Variants in IGSF9B observed in about 807,000 individuals in gnomAD.
The protein encoded by IGSF9B is protein turtle homolog B.
In IGSF9B, 48 loss-of-function variants were observed where a neutral mutation model predicts 143.7. The observed-to-expected ratio is 0.33, with a 90% CI of 0.26 to 0.42. The LOEUF (loss-of-function observed/expected upper bound fraction) is 0.42. Ranked by LOEUF, IGSF9B falls within the 20% of genes least tolerant of loss-of-function variation. IGSF9B has a pLI of 1.00. For synonymous variants in IGSF9B, 903 were observed against 833.1 expected, an observed-to-expected ratio of 1.08 and a Z score of -1.44; for missense variants, 1,706 against 1,980.0, an observed-to-expected ratio of 0.86 and a Z score of 2.63.
At position 133,919,852 on chromosome 11, in the gene IGSF9B, A is replaced by G; in HGVS notation, c.3873T>C (p.Pro1291=). 1 of 1,584,550 alleles carries G rather than the reference A, an allele frequency of 6.3e-7. No individual in the cohort carries two copies. The highest frequency in any genetic ancestry group is 8.6e-7 in the Non-Finnish European group (1 of 1,165,072). ...GYPSPPPGPA[P]AGPGDSLDVF... The stretch of plus-strand genomic sequence containing the variant: ...CGTCCAAGCTGTCCCCAGGCCCAGC[A>G]GGGGCGGGGCCGGGTGGAGGGGAAG... Residue 1291 remains proline, a synonymous_variant, in exon 18 of 20, where the codon CCT becomes CCC. Transcript: ENST00000533871.
intron 18 of IGSF9B, chr11:133,918,975 A>G: frequency 2.1e-6 from 1 of 472,396 alleles, no homozygotes; most frequent in Non-Finnish European, 4.4e-6. Flanking sequence ...ACGGCAGGGA[A>G]GAAGGATGAG....
In IGSF9B at chr11:133,907,860, C is replaced by T. The variant is rs1939233213; in HGVS notation, c.*1209G>A. On this transcript the variant is annotated 3_prime_UTR_variant, in exon 20 of 20. Transcript: ENST00000533871. Reference sequence around the variant, plus strand: ...TCATCCCCCTGCAGCTCAGGTCCACCGGAGGACGAAGGCCCCGGGGCAGAG... The same window carrying T: ...TCATCCCCCTGCAGCTCAGGTCCACTGGAGGACGAAGGCCCCGGGGCAGAG... Among the ~76,000 whole-genome samples the T allele has an allele frequency of 2.6e-5, 4 of 152,214 alleles. No homozygotes were observed. Among genetic ancestry groups the T allele is most frequent in the African/African-American group, 7.2e-5 (3 of 41,460 alleles).
At chr11:133,930,127 G>T (rs983471847) in intron 11 of IGSF9B, among the ~76,000 whole-genome samples, 1 of 152,244 alleles carries the variant, frequency 6.6e-6, no homozygotes, top group East Asian at 1.9e-4. Context: ...TAAGGCGGCA[G>T]GCACAGCCAC....
At chr11:133,951,184 G>C (rs1216929295) in intron 1 of IGSF9B, among the ~76,000 whole-genome samples, 1 of 152,176 alleles carries the variant, frequency 6.6e-6, no homozygotes, top group Non-Finnish European at 1.5e-5. Context: ...CGGCGGGGGA[G>C]AGACCTGGTC....
At chr11:133,939,465 C>A (rs775425666) in intron 3 of IGSF9B, among the ~76,000 whole-genome samples, 2 of 152,252 alleles carry the variant, frequency 1.3e-5, no homozygotes, top group Non-Finnish European at 2.9e-5. Context: ...ACATGCCCAG[C>A]TTTTAGCATA....
intron 16 of IGSF9B, 115 bp from the exon 17 acceptor site, chr11:133,922,337 A>C: frequency 1.9e-6 from 2 of 1,072,850 alleles, no homozygotes; most frequent in Non-Finnish European, 2.8e-6. Flanking sequence ...GGAGCTGCTC[A>C]CAGTGGGCAT....
rs1939613527 is a variant in IGSF9B, at chr11:133,925,815, A to T, written c.1958T>A (p.Val653Asp). 1 of 1,613,916 alleles carries T rather than the reference A, an allele frequency of 6.2e-7. No homozygotes were observed. The highest frequency in any genetic ancestry group is 8.5e-7 in the Non-Finnish European group (1 of 1,179,890). Residue 653 changes from valine to aspartate, a missense_variant, in exon 14 of 20, where the codon GTC (valine) becomes GAC (aspartate). Transcript: ENST00000533871. ...GTCGAGCAACTCCCAGCGCTCTGCG[A>T]CACGGAACTCCATGATGTAGCGGTC... ...PIDRYIMEFRVAERWELLDDG... is the reference protein window; with the variant it reads ...PIDRYIMEFRDAERWELLDDG...
In IGSF9B at chr11:133,956,864, C is replaced by A. The variant is rs750588697; in HGVS notation, c.-110G>T. On this transcript the variant is annotated 5_prime_UTR_variant, in exon 1 of 20. Transcript: ENST00000533871. ...GCGCCCGCCTCGCGCCGCCTACGCC[C>A]CGCGCCGGTGCTCCTGCAGCCCGGG... 2.3e-5 allele frequency: 13 copies of A among 555,812 alleles called. No homozygotes were observed. Among genetic ancestry groups the A allele is most frequent in the Admixed American group, 9.0e-5 (2 of 22,224 alleles). 34.4% of individuals were successfully genotyped at this position (555,812 alleles called of 1,614,324 possible).
chr11:133,941,563 GGAA>G (rs1939955903), intron 3 of IGSF9B, among the ~76,000 whole-genome samples: 1 of 152,178 alleles, frequency 6.6e-6, no homozygotes, highest in Non-Finnish European at 1.5e-5. Flanking sequence ...CTCGAACTTG[GGAA>G]GAAGAGAAAG....
At chr11:133,926,001 AG>A (rs1939618930) in intron 13 of IGSF9B, 36 bp from the exon 14 acceptor site, 1 of 1,469,492 alleles carries the variant, frequency 6.8e-7, no homozygotes, top group Non-Finnish European at 9.3e-7. Context: ...ACAGCGCATC[AG>A]CGAGGCCCAG....
intron 12 of IGSF9B, among the ~76,000 whole-genome samples, 179 bp from the exon 13 acceptor site, chr11:133,927,270 ATCC>A (rs1313099465): frequency 6.6e-6 from 1 of 152,228 alleles, no homozygotes; most frequent in Non-Finnish European, 1.5e-5. Context: ...GGCTGTGCCA[ATCC>A]TCCTGATGCT....
intron 18 of IGSF9B, among the ~76,000 whole-genome samples, chr11:133,917,469 G>A (rs1004730105): frequency 4.6e-5 from 7 of 151,904 alleles, no homozygotes; most frequent in East Asian, 2.0e-4. Context: ...CCCTCCCCTC[G>A]GGGAGGTCCT....
intron 17 of IGSF9B, 138 bp from the exon 18 acceptor site, chr11:133,921,535 A>G (rs528332043): frequency 1.0e-3 from 640 of 629,820 alleles, no homozygotes; most frequent in African/African-American, 7.5e-3. Flanking sequence ...GTGGTGTGAA[A>G]TGCTTTGGCC....
Position 133,945,681 on chromosome 11 carries a change from G to A in IGSF9B, c.262+380C>T, listed in dbSNP as rs1054537038. On this transcript the variant is annotated intron_variant, in intron 2 of 19. Coordinates refer to ENST00000533871, the MANE Select transcript of IGSF9B (RefSeq NM_001277285.4). This position sits in a 1 kb window ranked among gnomAD's most constrained non-coding sequence, Gnocchi z 4.6. ...ATCCATACACTCAGGACGGGAAGGC[G>A]CCCCGACTTCAGAGCCAAGAGGAAA... Among the ~76,000 whole-genome samples, 3 of 152,130 alleles carry A rather than the reference G, an allele frequency of 2.0e-5. No homozygotes were observed. Among genetic ancestry groups the A allele is most frequent in the Admixed American group, 6.5e-5 (1 of 15,278 alleles).
rs759569079 is a variant in IGSF9B, at chr11:133,903,134, G to T, written c.*5935C>A. ...AAGGAAAAGGGAAGGGAAGCTAACT[G>T]GTGTGTATACGGGGTGGCGAGGGAG... On this transcript the variant is annotated 3_prime_UTR_variant, in exon 20 of 20. Coordinates refer to ENST00000533871, the MANE Select transcript of IGSF9B (RefSeq NM_001277285.4). 1.3e-5 allele frequency among the ~76,000 whole-genome samples: 2 copies of T among 152,088 alleles called. No individual in the cohort carries two copies. The highest frequency in any genetic ancestry group is 2.9e-5 in the Non-Finnish European group (2 of 68,028).
Position 133,902,986 on chromosome 11 carries a change from G to A in IGSF9B, c.*6083C>T, listed in dbSNP as rs990713866. ...GCATGCCCGCAGCATTTCTAAGGCC[G>A]AAAATGCAAGTCACCTCCCCAGCCC... On this transcript the variant is annotated 3_prime_UTR_variant, in exon 20 of 20. Coordinates refer to ENST00000533871, the MANE Select transcript of IGSF9B (RefSeq NM_001277285.4). Among the ~76,000 whole-genome samples, 4 of 152,006 alleles carry A rather than the reference G, an allele frequency of 2.6e-5. No individual in the cohort carries two copies. The highest frequency in any genetic ancestry group is 5.9e-5 in the Non-Finnish European group (4 of 68,016).
intron 1 of IGSF9B, among the ~76,000 whole-genome samples, chr11:133,955,879 G>A: frequency 6.6e-6 from 1 of 152,024 alleles, no homozygotes; most frequent in East Asian, 2.0e-4. Flanking sequence ...ACAGCGTGGG[G>A]ACCCCCCCTT....
At chr11:133,918,199 C>G (rs956488758) in intron 18 of IGSF9B, among the ~76,000 whole-genome samples, 1 of 152,162 alleles carries the variant, frequency 6.6e-6, no homozygotes, top group Admixed American at 6.5e-5. Context: ...AGCAATGGCC[C>G]GGCCGAAGCC....
At chr11:133,940,230 ACG>A (rs1277731533) in intron 3 of IGSF9B, among the ~76,000 whole-genome samples, 1 of 136,572 alleles carries the variant, frequency 7.3e-6, no homozygotes, top group Non-Finnish European at 1.5e-5. Context: ...GCGTCATCGC[ACG>A]CAAAAACACA....
Sources: allele counts gnomAD v4.1 joint callset (sites outside exome capture counted in the v4.1 genomes callset), GRCh38; gene constraint gnomAD v4.1.1; non-coding constraint Gnocchi (gnomAD v3.1); transcripts MANE v1.5; gene names NCBI Gene and HGNC (gene_info 2026-07-23, HGNC 2026-07-21).